PRICKLE1: variants seen among roughly 807,000 people sequenced by gnomAD.
PRICKLE1 encodes the protein prickle-like protein 1.
A neutral mutation model predicts 70.2 loss-of-function variants in PRICKLE1; 14 were observed. The observed-to-expected ratio is 0.20, with a 90% confidence interval of 0.13 to 0.31. The LOEUF (loss-of-function observed/expected upper bound fraction) is 0.31. Among genes scored for constraint, PRICKLE1 ranks in the 10% least tolerant of loss-of-function variants. The pLI, the probability that PRICKLE1 is intolerant of heterozygous loss-of-function variation, is 1.00. For synonymous variants in PRICKLE1, 357 were observed against 379.9 expected (o/e 0.94, Z 0.70); for missense variants, 821 against 1,026.2 (o/e 0.80, Z 2.73).
chr12:42,565,782 G>A (rs775947974), intron 1 of PRICKLE1, among the ~76,000 whole-genome samples: 2 of 152,192 alleles, frequency 1.3e-5, no homozygotes, highest in Non-Finnish European at 2.9e-5. Flanking sequence ...AGAGGCTGGT[G>A]AGACAGGAGA....
chr12:42,467,725 A>C (rs1938157150), intron 5 of PRICKLE1, among the ~76,000 whole-genome samples: 1 of 152,226 alleles, frequency 6.6e-6, no homozygotes, highest in Non-Finnish European at 1.5e-5. Flanking sequence ...CAGCCTGGGC[A>C]ACAGAGAGCA....
chr12:42,527,951 ATATATATATATATATATATATC>A (rs796904945), intron 1 of PRICKLE1, among the ~76,000 whole-genome samples: 12,955 of 58,750 alleles, frequency 0.22, 1,595 homozygotes, highest in South Asian at 0.29. Context: ...ATATATATAT[ATATATATATATATATATATATC>A]TCCAAAGTTT....
chr12:42,549,306 G>T (rs1940268918), intron 1 of PRICKLE1, among the ~76,000 whole-genome samples: 1 of 151,982 alleles, frequency 6.6e-6, no homozygotes, highest in Admixed American at 6.6e-5. Context: ...CATCAAACTG[G>T]CCATAGCTGA....
rs966235220 is a variant in PRICKLE1, at chr12:42,502,253, C to CTA, written c.-48-29691_-48-29690dup. Among the ~76,000 whole-genome samples the CTA allele has an allele frequency of 3.3e-3, 458 of 137,892 alleles. 2 individuals carry two copies. The highest frequency in any genetic ancestry group is 0.011 in the African/African-American group (386 of 34,760). 90.5% of individuals were successfully genotyped at this position (137,892 alleles called of 152,430 possible). A position where few individuals can be genotyped will look rare whatever the true frequency, so the allele number is the denominator to read the frequency against. On this transcript the variant is annotated intron_variant, in intron 1 of 7. Coordinates refer to ENST00000345127, the MANE Select transcript of PRICKLE1 (RefSeq NM_153026.3). ...CATATACCTCTATATATATACACACCTATATATATATACCTACATATATAT... is the reference window on the plus strand; with the variant it reads ...CATATACCTCTATATATATACACACCTATATATATATATACCTACATATATAT...
At chr12:42,498,690 CA>C (rs1324670617) in intron 1 of PRICKLE1, among the ~76,000 whole-genome samples, 3 of 152,196 alleles carry the variant, frequency 2.0e-5, no homozygotes, top group Non-Finnish European at 4.4e-5. Flanking sequence ...AGACTCTTTA[CA>C]AAGAAGCCCG....
chr12:42,587,921 A>C (rs1357667226), intron 1 of PRICKLE1, among the ~76,000 whole-genome samples: 4 of 152,222 alleles, frequency 2.6e-5, no homozygotes, highest in Non-Finnish European at 5.9e-5. Flanking sequence ...AAATGTATCT[A>C]TCTTGCTGTC....
At chr12:42,484,947 AATAT>A (rs1266353353) in intron 1 of PRICKLE1, among the ~76,000 whole-genome samples, 1 of 152,226 alleles carries the variant, frequency 6.6e-6, no homozygotes, top group Non-Finnish European at 1.5e-5. Context: ...GGGAAAATGC[AATAT>A]TTAAGAGCTT....
At chr12:42,467,284 T>C (rs1182488905) in intron 5 of PRICKLE1, among the ~76,000 whole-genome samples, 1 of 151,956 alleles carries the variant, frequency 6.6e-6, no homozygotes, top group African/African-American at 2.4e-5. Flanking sequence ...GCCCAGCTAA[T>C]TTTTGTATTT....
chr12:42,533,215 T>A (rs1280302204), intron 1 of PRICKLE1, among the ~76,000 whole-genome samples: 1 of 101,996 alleles, frequency 9.8e-6, no homozygotes, highest in Admixed American at 8.7e-5. Context: ...TTTTTCTTCT[T>A]TTTTTTTTTT....
chr12:42,502,942 A>G (rs1939341335), intron 1 of PRICKLE1, among the ~76,000 whole-genome samples: 1 of 152,226 alleles, frequency 6.6e-6, no homozygotes, highest in African/African-American at 2.4e-5. Flanking sequence ...GAAATTAAAG[A>G]TGTTTTAAAG....
intron 1 of PRICKLE1, among the ~76,000 whole-genome samples, chr12:42,538,141 C>A (rs1940046476): frequency 6.6e-6 from 1 of 152,014 alleles, no homozygotes; most frequent in East Asian, 1.9e-4. Flanking sequence ...ATAGGGAGAC[C>A]CTGTCTCTAA....
chr12:42,477,643 C>T (rs1205478176), intron 1 of PRICKLE1, among the ~76,000 whole-genome samples: 1 of 151,590 alleles, frequency 6.6e-6, no homozygotes, highest in Non-Finnish European at 1.5e-5. Flanking sequence ...TGGGTCATGG[C>T]TGAAGGTCTT....
Position 42,459,174 on chromosome 12 carries a change from TA to T in PRICKLE1, c.*634del. 3.0e-6 allele frequency: 2 copies of T among 662,974 alleles called. No individual in the cohort carries two copies. The highest frequency in any genetic ancestry group is 5.4e-6 in the Non-Finnish European group (2 of 369,360). The allele number at this position is 662,974 out of a possible 1,614,324, so 41.1% of individuals were successfully genotyped here. A position where few individuals can be genotyped will look rare whatever the true frequency, so the allele number is the denominator to read the frequency against. On this transcript the variant is annotated 3_prime_UTR_variant, in exon 8 of 8. Coordinates refer to ENST00000345127, the MANE Select transcript of PRICKLE1 (RefSeq NM_153026.3). Reference sequence around the variant, plus strand: ...CAGCTTTAAAATCTGAACTGTACAGTATATACATTAATATTTGCACCGTTAA... The same window carrying T: ...CAGCTTTAAAATCTGAACTGTACAGTTATACATTAATATTTGCACCGTTAA...
intron 1 of PRICKLE1, among the ~76,000 whole-genome samples, chr12:42,495,512 G>A (rs1321978374): frequency 2.6e-5 from 4 of 151,950 alleles, no homozygotes; most frequent in Admixed American, 2.6e-4. Flanking sequence ...AATTACAGGT[G>A]TAAGCTACCT....
chr12:42,472,079 G>C (rs1423101208), intron 2 of PRICKLE1, among the ~76,000 whole-genome samples: 3 of 152,170 alleles, frequency 2.0e-5, no homozygotes, highest in African/African-American at 7.2e-5. Context: ...TCACTCTCAA[G>C]AGGGATTCAT....
In PRICKLE1 at chr12:42,575,593, C is replaced by A. The variant is rs577792125; in HGVS notation, c.-49+13872G>T. ...CCTGTAATTCCAGCTACTCAGGAGG[C>A]TGAGGCAGGAGAATAGCTTAAACCT... is the stretch of plus-strand genomic sequence containing the variant. On this transcript the variant is annotated intron_variant, in intron 1 of 7. Transcript: ENST00000345127. Among the ~76,000 whole-genome samples, 3 of 151,990 alleles carry A rather than the reference C, an allele frequency of 2.0e-5. No individual in the cohort carries two copies. In the East Asian group the frequency reaches 5.8e-4, roughly 29 times the overall value.
chr12:42,477,482 G>GTGTGTGTATATA (rs1350601331), intron 1 of PRICKLE1, among the ~76,000 whole-genome samples: 1 of 116,384 alleles, frequency 8.6e-6, no homozygotes, highest in Non-Finnish European at 1.8e-5. Context: ...GTGTGTGTGT[G>GTGTGTGTATATA]TATATATATA....
chr12:42,496,012 T>C (rs1164253888), intron 1 of PRICKLE1, among the ~76,000 whole-genome samples: 3 of 152,254 alleles, frequency 2.0e-5, no homozygotes, highest in African/African-American at 7.2e-5. Context: ...TCTGGAGTGG[T>C]AAGTCCTTTT....
At chr12:42,586,333 T>C (rs899823516) in intron 1 of PRICKLE1, among the ~76,000 whole-genome samples, 1 of 152,006 alleles carries the variant, frequency 6.6e-6, no homozygotes, top group African/African-American at 2.4e-5. Context: ...CCTAGTCAAA[T>C]GATACTTTTA....
Sources: gnomAD v4.1 joint callset for allele counts (sites outside exome capture counted in the v4.1 genomes callset) on GRCh38, gnomAD v4.1.1 for gene constraint, MANE v1.5 for transcripts, NCBI Gene and HGNC (gene_info 2026-07-23, HGNC 2026-07-21) for gene names.